MYRF: variants seen among roughly 807,000 people sequenced by gnomAD.
MYRF encodes the protein myelin gene regulatory factor.
A neutral mutation model predicts 126.3 loss-of-function variants in MYRF; 16 were observed. The observed-to-expected ratio is 0.13, with a 90% CI of 0.09 to 0.19. MYRF has a LOEUF of 0.19. Ranked by LOEUF, MYRF falls within the 10% of genes least tolerant of loss-of-function variation. The pLI is 1.00. For synonymous variants in MYRF, 608 were observed against 635.3 expected, an observed-to-expected ratio of 0.96 and a Z score of 0.65; for missense variants, 1,104 against 1,547.0, an observed-to-expected ratio of 0.71 and a Z score of 4.80.
rs2066444284 is a variant in MYRF, at chr11:61,778,362, C to G, written c.1904-18C>G. ...TTACCACCCCCCCACCCATCTTTGG[C>G]TTGTCCCCTGCCCCCAGGTGTCATC... On this transcript the variant is annotated intron_variant, in intron 13 of 26. Transcript: ENST00000278836. The surrounding 1 kb of genome is among the most constrained non-coding windows in gnomAD (Gnocchi z 4.6). 6.4e-7 allele frequency: 1 copy of G among 1,569,188 alleles called. No homozygotes were observed. The highest frequency in any genetic ancestry group is 8.8e-7 in the Non-Finnish European group (1 of 1,139,278).
chr11:61,770,345 G>GCCCCCCCCCCCCCCCCCCCCCC lies in MYRF; in HGVS notation c.566_567insCCCCCCCCCCCCCCCCCCCCCC (p.His197AlafsTer38). On this transcript the variant is annotated frameshift_variant, in exon 5 of 27. Transcript: ENST00000278836. LOFTEE classifies it high-confidence loss of function. ...CCCCCACCTCCAGCCCACTTGCCAG[G>GCCCCCCCCCCCCCCCCCCCCCC]CCCCCCGCCACCCCCACCACCCCCA... The GCCCCCCCCCCCCCCCCCCCCCC allele has an allele frequency of 2.0e-6, 3 of 1,504,822 alleles. No homozygotes were observed. The highest frequency in any genetic ancestry group is 1.2e-5 in the South Asian group (1 of 82,342). The allele number at this position is 1,504,822 out of a possible 1,614,324, so 93.2% of individuals were successfully genotyped here.
rs530274103 is a variant in MYRF, at chr11:61,784,814, T to C, written c.3300+429T>C. On this transcript the variant is annotated intron_variant, in intron 25 of 26. Transcript: ENST00000278836. ...TCAGAGGGCCCCTCAGGTTCCATGT[T>C]TGGCCACCTCTTCTGGGAGAACTGG... 5.6e-4 allele frequency: 90 copies of C among 160,510 alleles called. 3 individuals are homozygous for C. In the Middle Eastern group the frequency reaches 0.013, roughly 22 times the overall value. 9.9% of individuals were successfully genotyped at this position (160,510 alleles called of 1,614,324 possible). A position where few individuals can be genotyped will look rare whatever the true frequency, so the allele number is the denominator to read the frequency against.
intron 3 of MYRF, chr11:61,766,643 T>TGGCA (rs1288295090): frequency 4.1e-6 from 1 of 243,834 alleles, no homozygotes; most frequent in Non-Finnish European, 8.1e-6. Context: ...GGCTCAGATG[T>TGGCA]GGCACCTCAG....
chr11:61,780,073 C>A, intron 17 of MYRF, 143 bp downstream of exon 17: 1 of 1,195,104 alleles, frequency 8.4e-7, no homozygotes, highest in Non-Finnish European at 1.2e-6. Context: ...GTGAGGTGGG[C>A]CTTTCTGCCT....
intron 1 of MYRF, among the ~76,000 whole-genome samples, chr11:61,760,266 CATAGATCAT>C (rs1032834327): frequency 6.6e-6 from 1 of 152,116 alleles, no homozygotes; most frequent in Non-Finnish European, 1.5e-5. Flanking sequence ...CGCGCCTGGC[CATAGATCAT>C]ATTAATAAAG....
intron 3 of MYRF, 107 bp from the exon 4 acceptor site, chr11:61,769,153 C>T (rs996980372): frequency 6.0e-5 from 40 of 662,110 alleles, no homozygotes; most frequent in Non-Finnish European, 8.9e-5. Context: ...ACCTCAGTGT[C>T]GCCAGCTTCT....
At chr11:61,771,287 G>A (rs1389943379) in intron 5 of MYRF, among the ~76,000 whole-genome samples, 1 of 152,222 alleles carries the variant, frequency 6.6e-6, no homozygotes, top group Non-Finnish European at 1.5e-5. Context: ...TCCACAGTCT[G>A]GGGGAAGCGA....
chr11:61,771,141 C>T (rs1032828968), intron 5 of MYRF, among the ~76,000 whole-genome samples: 4 of 152,210 alleles, frequency 2.6e-5, no homozygotes, highest in South Asian at 2.1e-4. Flanking sequence ...CATAGAGCCC[C>T]CACTATAAAG....
intron 7 of MYRF, 57 bp from the exon 8 acceptor site, chr11:61,773,910 C>A: frequency 6.8e-7 from 1 of 1,475,464 alleles, no homozygotes; most frequent in Non-Finnish European, 9.2e-7. Flanking sequence ...TAGGAGGAAC[C>A]GATGTTCCAG....
chr11:61,769,151 G>A (rs1378965599), intron 3 of MYRF, 109 bp from the exon 4 acceptor site: 2 of 658,126 alleles, frequency 3.0e-6, no homozygotes, highest in Non-Finnish European at 2.7e-6. Flanking sequence ...AAACCTCAGT[G>A]TCGCCAGCTT....
At chr11:61,755,416 C>T (rs781186733) in intron 1 of MYRF, 8 of 1,610,106 alleles carry the variant, frequency 5.0e-6, no homozygotes, top group Middle Eastern at 1.7e-4. Context: ...GGGGACCCAC[C>T]GGGCAGGATG....
At position 61,757,530 on chromosome 11, in the gene MYRF, G is replaced by A; in HGVS notation, c.46+4740G>A. On this transcript the variant is annotated intron_variant, in intron 1 of 26. Coordinates refer to ENST00000278836, the MANE Select transcript of MYRF (RefSeq NM_001127392.3). This position sits in a 1 kb window ranked among gnomAD's most constrained non-coding sequence, Gnocchi z 4.7. ...CCCCAGGGTAGGTCAGTGCCCCTAA[G>A]CTTAGGGGGCTTGTTGAGCATGTTC... 1 of 456,568 alleles carries A rather than the reference G, an allele frequency of 2.2e-6. No homozygotes were observed. Among genetic ancestry groups the A allele is most frequent in the Non-Finnish European group, 4.4e-6 (1 of 226,920 alleles). 28.3% of individuals were successfully genotyped at this position (456,568 alleles called of 1,614,324 possible). A position where few individuals can be genotyped will look rare whatever the true frequency, so the allele number is the denominator to read the frequency against.
At chr11:61,784,149 G>A (rs749876812) in intron 24 of MYRF, 131 bp from the exon 25 acceptor site, 14 of 1,014,162 alleles carry the variant, frequency 1.4e-5, no homozygotes, top group Non-Finnish European at 2.0e-5. Context: ...GGTTTTGTTC[G>A]AGGGCCCTGG....
At position 61,766,195 on chromosome 11, in the gene MYRF, T is replaced by C. The variant is rs2135748544; in HGVS notation, c.372T>C (p.Ala124=). The change falls in exon 3 of 27, where the codon GCT becomes GCC. Residue 124 remains alanine (A), a synonymous_variant. Coordinates refer to ENST00000278836, the MANE Select transcript of MYRF (RefSeq NM_001127392.3). ...FPGGTGPPIK[A]EPKAPYAPGT... is the part of the protein sequence containing the mutation. ...GGGGCACCGGGCCCCCCATCAAGGC[T>C]GAGCCCAAGGCTCCCTATGCCCCAG... 1 of 1,609,962 alleles carries C rather than the reference T, an allele frequency of 6.2e-7. No homozygotes were observed. The highest frequency in any genetic ancestry group is 8.5e-7 in the Non-Finnish European group (1 of 1,179,064).
chr11:61,774,267 G>A, intron 8 of MYRF, 105 bp downstream of exon 8: 1 of 1,075,032 alleles, frequency 9.3e-7, no homozygotes, highest in Non-Finnish European at 1.3e-6. Flanking sequence ...GCTCACGCCT[G>A]TAATCCCAGC....
chr11:61,771,390 G>T, intron 5 of MYRF, 110 bp from the exon 6 acceptor site: 1 of 1,432,908 alleles, frequency 7.0e-7, no homozygotes. Flanking sequence ...TCCTCTGGGC[G>T]GGGCACATCC....
At chr11:61,782,671 G>A (rs1219375650) in intron 22 of MYRF, 1 of 152,294 alleles carries the variant, frequency 6.6e-6, no homozygotes, top group Non-Finnish European at 1.5e-5. Flanking sequence ...ACGAAGGTGG[G>A]GAGGATCAGG....
intron 22 of MYRF, 110 bp downstream of exon 22, chr11:61,781,934 A>T: frequency 7.6e-7 from 1 of 1,322,266 alleles, no homozygotes; most frequent in Non-Finnish European, 1.0e-6. Context: ...GTCAGTCAAT[A>T]GACGTTTGCT....
Position 61,778,518 on chromosome 11 carries a change from C to G in MYRF, c.2013+29C>G. The G allele has an allele frequency of 1.3e-6, 2 of 1,541,118 alleles. No individual in the cohort carries two copies. The highest frequency in any genetic ancestry group is 1.8e-6 in the Non-Finnish European group (2 of 1,113,744). On this transcript the variant is annotated intron_variant, in intron 14 of 26. Transcript: ENST00000278836. This position sits in a 1 kb window ranked among gnomAD's most constrained non-coding sequence, Gnocchi z 4.6. The stretch of plus-strand genomic sequence containing the variant: ...TGTGGGTGGGGGAATGGGAGGGAGC[C>G]CAGAGGCAAGTGGGGAGCCAGCTGG...
Sources: allele counts gnomAD v4.1 joint callset (sites outside exome capture counted in the v4.1 genomes callset), GRCh38; gene constraint gnomAD v4.1.1; non-coding constraint Gnocchi (gnomAD v3.1); transcripts MANE v1.5; gene names NCBI Gene and HGNC (gene_info 2026-07-23, HGNC 2026-07-21).